Variants in IQCE observed in about 807,000 individuals in gnomAD.
IQCE encodes IQ domain-containing protein E.
A neutral mutation model predicts 96.0 loss-of-function variants in IQCE; 115 were observed. That is an observed-to-expected ratio of 1.20 (90% CI 1.03 to 1.40). The LOEUF (loss-of-function observed/expected upper bound fraction) is 1.40, where lower values mean the gene tolerates loss of function less well. IQCE is among the 40% of genes most tolerant of loss of function. IQCE has a pLI of 0.00. For missense variants in IQCE, 1,041 were observed against 909.1 expected, an observed-to-expected ratio of 1.15 and a Z score of -1.87; for synonymous variants, 412 against 371.2, an observed-to-expected ratio of 1.11 and a Z score of -1.26.
At chr7:2,607,574 A>G in intron 21 of IQCE, 1 of 1,235,506 alleles carries the variant, frequency 8.1e-7, no homozygotes, top group Non-Finnish European at 1.0e-6. Flanking sequence ...TACTTTGTTA[A>G]AGTCCAAAAA....
At chr7:2,594,845 G>C in intron 15 of IQCE, 41 bp from the exon 16 acceptor site, 1 of 1,370,990 alleles carries the variant, frequency 7.3e-7, no homozygotes, top group Non-Finnish European at 1.0e-6. Context: ...TCATCACATA[G>C]TGACAGGTGA....
intron 1 of IQCE, 81 bp downstream of exon 1, chr7:2,559,298 C>A (rs1295023717): frequency 2.3e-6 from 2 of 854,460 alleles, no homozygotes; most frequent in African/African-American, 1.8e-5. Flanking sequence ...CCTCGGGGCC[C>A]CGCGCAGGGG....
rs745756015 is a variant in IQCE at position 2,567,141 on chromosome 7, C to T, written c.62C>T (p.Thr21Ile). ...GGAGATGACAGTCTGTCTGCAGTCACCTTTGACTCTGATGTGGAGACGGTG... is the reference window on the plus strand; with the variant it reads ...GGAGATGACAGTCTGTCTGCAGTCATCTTTGACTCTGATGTGGAGACGGTG... ...DTGDDSLSAVTFDSDVETKAK... is the reference protein window; with the variant it reads ...DTGDDSLSAVIFDSDVETKAK... Residue 21 changes from threonine (T) to isoleucine (I), a missense_variant, in exon 2 of 22, where the codon ACC becomes ATC. By Grantham distance (89) the Thr-to-Ile change is moderately conservative. Coordinates refer to ENST00000402050, the MANE Select transcript of IQCE (RefSeq NM_152558.5). The T allele has an allele frequency of 5.6e-6, 9 of 1,613,792 alleles. No individual in the cohort carries two copies. In the East Asian group the frequency reaches 6.7e-5, roughly 12 times the overall value.
rs771927110 is a variant in IQCE, at chr7:2,572,164, A to T, written c.260-28A>T. On this transcript the variant is annotated intron_variant, in intron 4 of 21. Coordinates refer to ENST00000402050, the MANE Select transcript of IQCE (RefSeq NM_152558.5). The stretch of plus-strand genomic sequence containing the variant: ...CCCATTGTGTGTGCTTGTATCTGTC[A>T]TATTAAACCCATGCACATTCAAACC... The T allele has an allele frequency of 1.3e-5, 20 of 1,593,302 alleles. No individual in the cohort carries two copies. In the South Asian group the frequency reaches 2.3e-4, roughly 18 times the overall value.
intron 8 of IQCE, among the ~76,000 whole-genome samples, chr7:2,581,118 C>G (rs1782632093): frequency 6.6e-6 from 1 of 151,932 alleles, no homozygotes; most frequent in South Asian, 2.1e-4. Flanking sequence ...GCTGGGATTA[C>G]AGGCATGAGC....
Position 2,593,143 on chromosome 7 carries a change from A to G in IQCE, c.1349+17A>G, listed in dbSNP as rs950709564. On this transcript the variant is annotated intron_variant, in intron 15 of 21. Transcript: ENST00000402050. ...GGTTTTGAGGTATGTGACCCGGGTC[A>G]GGGCTGGAGAGGACCCAGGCGAGTC... 6 of 1,601,902 alleles carry G rather than the reference A, an allele frequency of 3.7e-6. No individual in the cohort carries two copies. The African/African-American group carries it at 8.0e-5, about 21-fold the overall frequency.
chr7:2,579,731 GT>G (rs1224287917), intron 8 of IQCE, among the ~76,000 whole-genome samples: 1 of 146,596 alleles, frequency 6.8e-6, no homozygotes, highest in African/African-American at 2.6e-5. Flanking sequence ...GTGTGTGTGT[GT>G]GTGTGTCTGT....
At chr7:2,577,405 GCGCGCGGGGA>G (rs1782225681) in intron 6 of IQCE, among the ~76,000 whole-genome samples, 4 of 143,642 alleles carry the variant, frequency 2.8e-5, no homozygotes, top group Admixed American at 6.9e-5. Context: ...GCATGGCTGT[GCGCGCGGGGA>G]CGTGTGTGCG....
At chr7:2,588,945 G>A (rs1475761754) in intron 13 of IQCE, among the ~76,000 whole-genome samples, 2 of 152,046 alleles carry the variant, frequency 1.3e-5, no homozygotes, top group African/African-American at 4.8e-5. Context: ...GATTACAGTC[G>A]TGAGCCACCG....
intron 3 of IQCE, among the ~76,000 whole-genome samples, chr7:2,569,743 A>G (rs941709734): frequency 1.3e-5 from 2 of 152,212 alleles, no homozygotes; most frequent in African/African-American, 4.8e-5. Flanking sequence ...TCTATTTTAT[A>G]TACGCGTATC....
At chr7:2,599,278 C>T (rs1784275549) in intron 17 of IQCE, among the ~76,000 whole-genome samples, 1 of 152,102 alleles carries the variant, frequency 6.6e-6, no homozygotes. Context: ...CTCACTCCAA[C>T]CTCCGCCTCC....
chr7:2,571,756 T>C lies in IQCE; in HGVS notation c.259+102T>C, dbSNP rs561392115. On this transcript the variant is annotated intron_variant, in intron 4 of 21. Transcript: ENST00000402050. ...GAGTTTTTAATATTCCTTGTTTGAA[T>C]TACATTGTCTTTAGTTTTCTCGAAG... 61 of 1,221,640 alleles carry C rather than the reference T, an allele frequency of 5.0e-5. No individual in the cohort carries two copies. The South Asian group carries it at 8.3e-4, about 17-fold the overall frequency. 75.7% of individuals were successfully genotyped at this position (1,221,640 alleles called of 1,614,324 possible).
At chr7:2,600,507 C>T (rs2969018) in intron 17 of IQCE, among the ~76,000 whole-genome samples, 30,085 of 152,182 alleles carry the variant, frequency 0.2, 3,438 homozygotes, top group East Asian at 0.42. Context: ...ACAGCTGTCT[C>T]CGTCTGAAAA....
intron 15 of IQCE, among the ~76,000 whole-genome samples, chr7:2,594,305 G>A (rs988110722): frequency 1.3e-5 from 2 of 152,200 alleles, no homozygotes; most frequent in Admixed American, 1.3e-4. Context: ...GGAGAAATCT[G>A]ACTGAATTCT....
chr7:2,583,611 T>C, intron 9 of IQCE, 26 bp from the exon 10 acceptor site: 1 of 1,569,456 alleles, frequency 6.4e-7, no homozygotes, highest in Non-Finnish European at 8.7e-7. Flanking sequence ...GGCACATCCC[T>C]ATTAACGCTG....
Position 2,583,660 on chromosome 7 carries a change from CT to C in IQCE, c.726del (p.Thr243ProfsTer53). The C allele has an allele frequency of 6.3e-7, 1 of 1,592,384 alleles. No individual in the cohort carries two copies. The highest frequency in any genetic ancestry group is 1.1e-5 in the South Asian group (1 of 90,710). The part of the protein sequence containing the change: ...TISKLQTDMK[T>X]TNLEEMRIAM... ...AGCAAACTCCAGACCGATATGAAGACTACCAACCTGGAAGAGATGCGGATCG... is the reference window on the plus strand; with the variant it reads ...AGCAAACTCCAGACCGATATGAAGACACCAACCTGGAAGAGATGCGGATCG... On this transcript the variant is annotated frameshift_variant, in exon 10 of 22. Transcript: ENST00000402050. LOFTEE classifies it high-confidence loss of function.
chr7:2,609,138 C>T (rs985235399), intron 21 of IQCE, among the ~76,000 whole-genome samples: 2 of 152,116 alleles, frequency 1.3e-5, no homozygotes, highest in Non-Finnish European at 2.9e-5. Context: ...ACCTCCATCC[C>T]GTCTGTAGGT....
intron 17 of IQCE, among the ~76,000 whole-genome samples, chr7:2,599,728 T>G (rs1784304325): frequency 6.6e-6 from 1 of 151,704 alleles, no homozygotes; most frequent in East Asian, 1.9e-4. Context: ...CTAAAGCCAT[T>G]TACCTGCCTC....
chr7:2,599,947 CCATGCA>C (rs1784323758), intron 17 of IQCE, among the ~76,000 whole-genome samples: 1 of 152,104 alleles, frequency 6.6e-6, no homozygotes, highest in African/African-American at 2.4e-5. Flanking sequence ...GCACACACCA[CCATGCA>C]CAGCTAATTT....
Sources: gnomAD v4.1 joint callset for allele counts (sites outside exome capture counted in the v4.1 genomes callset) on GRCh38, gnomAD v4.1.1 for gene constraint, MANE v1.5 for transcripts, NCBI Gene and HGNC (gene_info 2026-07-23, HGNC 2026-07-21) for gene names.